GLYATL2: variants seen among roughly 807,000 people sequenced by gnomAD.
GLYATL2 encodes the protein glycine-N-acyltransferase like 2.
In GLYATL2, 25 loss-of-function variants were observed where a neutral mutation model predicts 21.4. The observed-to-expected ratio is 1.17, with a 90% CI of 0.85 to 1.63. The LOEUF (loss-of-function observed/expected upper bound fraction) is 1.63, where lower values mean the gene tolerates loss of function less well. Among genes scored for constraint, GLYATL2 ranks in the 40% most tolerant of loss-of-function variants. The pLI is 0.00. For synonymous variants in GLYATL2, 114 were observed against 118.2 expected (o/e 0.96, Z 0.23); for missense variants, 361 against 343.3 (o/e 1.05, Z -0.41).
chr11:58,875,956 T>C (rs990792126), intron 1 of GLYATL2, among the ~76,000 whole-genome samples: 1 of 152,234 alleles, frequency 6.6e-6, no homozygotes, highest in Non-Finnish European at 1.5e-5. Flanking sequence ...TCTTTTCACA[T>C]AGTCCCATAT....
chr11:58,843,190 G>A (rs1288204105), intron 1 of GLYATL2, among the ~76,000 whole-genome samples: 1 of 152,164 alleles, frequency 6.6e-6, no homozygotes, highest in Non-Finnish European at 1.5e-5. Flanking sequence ...CAGAGAGTTG[G>A]CAAGTTATTT....
At chr11:58,838,440 T>A (rs1339384688) in intron 2 of GLYATL2, 72 bp from the exon 3 acceptor site, 7 of 959,670 alleles carry the variant, frequency 7.3e-6, no homozygotes, top group Non-Finnish European at 1.1e-5. Context: ...TGTGGAGAAA[T>A]AAGACATGAC....
At chr11:58,869,532 G>T (rs755933628) in intron 1 of GLYATL2, among the ~76,000 whole-genome samples, 1 of 152,168 alleles carries the variant, frequency 6.6e-6, no homozygotes, top group African/African-American at 2.4e-5. Flanking sequence ...TTTCAGACTG[G>T]TGAGACTGTA....
chr11:58,907,191 A>C (rs1293251348), upstream of GLYATL2: 2 of 452,108 alleles, frequency 4.4e-6, no homozygotes, highest in African/African-American at 4.1e-5. Context: ...TTTAGGGGAA[A>C]CCTCTTCATA....
At chr11:58,865,395 TAGA>T (rs1225895613) in intron 1 of GLYATL2, among the ~76,000 whole-genome samples, 2 of 149,150 alleles carry the variant, frequency 1.3e-5, no homozygotes, top group East Asian at 2.2e-4. Flanking sequence ...AGTACCAGGC[TAGA>T]AGGAGAGAAA....
intron 1 of GLYATL2, among the ~76,000 whole-genome samples, chr11:58,897,620 TC>T (rs1347662483): frequency 6.6e-6 from 1 of 152,138 alleles, no homozygotes; most frequent in Non-Finnish European, 1.5e-5. Context: ...TGGCCCTAGA[TC>T]TCACCTAACT....
intron 1 of GLYATL2, among the ~76,000 whole-genome samples, chr11:58,841,382 G>GT (rs35017121): frequency 0.028 from 4,298 of 152,246 alleles, 173 homozygotes; most frequent in East Asian, 0.21. Context: ...CTCTGCCTCA[G>GT]TTGCATTATC....
intron 1 of GLYATL2, among the ~76,000 whole-genome samples, chr11:58,882,209 C>G (rs368618675): frequency 6.6e-6 from 1 of 152,134 alleles, no homozygotes; most frequent in Non-Finnish European, 1.5e-5. Flanking sequence ...AGTGTAAAAG[C>G]GTTCCTATTT....
intron 1 of GLYATL2, among the ~76,000 whole-genome samples, chr11:58,851,370 G>A (rs1853738422): frequency 6.6e-6 from 1 of 152,124 alleles, no homozygotes; most frequent in South Asian, 2.1e-4. Flanking sequence ...CTTTCATTCT[G>A]TTGATATGGT....
At chr11:58,873,042 A>G (rs1854155018) in intron 1 of GLYATL2, among the ~76,000 whole-genome samples, 1 of 151,624 alleles carries the variant, frequency 6.6e-6, no homozygotes, top group South Asian at 2.1e-4. Flanking sequence ...ATTCTCTTTG[A>G]AGCAATTGTG....
upstream of GLYATL2, among the ~76,000 whole-genome samples, chr11:58,846,252 A>C (rs952354240): frequency 1.1e-4 from 16 of 152,208 alleles, no homozygotes; most frequent in African/African-American, 3.6e-4. Flanking sequence ...TATAGTTTAT[A>C]ATGGGGAGGA....
At chr11:58,861,887 G>A (rs1329561265) in intron 1 of GLYATL2, among the ~76,000 whole-genome samples, 1 of 152,008 alleles carries the variant, frequency 6.6e-6, no homozygotes, top group East Asian at 1.9e-4. Context: ...TATCTGGAAT[G>A]ATAAATAATA....
rs192346653 is a variant in GLYATL2, at chr11:58,871,862, G to C, written n.60+32294C>G. Among the ~76,000 whole-genome samples the C allele has an allele frequency of 3.8e-3, 577 of 152,290 alleles. 1 individual carries two copies. The highest frequency in any genetic ancestry group is 6.9e-3 in the South Asian group (33 of 4,810). On this transcript the variant is annotated intron_variant and non_coding_transcript_variant, in intron 1 of 4. Coordinates refer to the GLYATL2 transcript ENST00000533636. ...TAGATGCCTGAGGAATTGCCACACTGTCTTCCACAATGGTTGAACTAGTTG... is the reference window on the plus strand; with the variant it reads ...TAGATGCCTGAGGAATTGCCACACTCTCTTCCACAATGGTTGAACTAGTTG...
chr11:58,894,236 A>T (rs918702966), intron 1 of GLYATL2, among the ~76,000 whole-genome samples: 6 of 152,206 alleles, frequency 3.9e-5, no homozygotes, highest in African/African-American at 1.4e-4. Flanking sequence ...GTGACTACTA[A>T]GGTGAGGACT....
chr11:58,899,310 C>G (rs563407986), intron 1 of GLYATL2, among the ~76,000 whole-genome samples: 1 of 152,160 alleles, frequency 6.6e-6, no homozygotes, highest in East Asian at 1.9e-4. Flanking sequence ...TCTCCCTCCA[C>G]TCCCAACCGT....
At chr11:58,835,989 A>G (rs1481968194) in intron 5 of GLYATL2, among the ~76,000 whole-genome samples, 2 of 152,120 alleles carry the variant, frequency 1.3e-5, no homozygotes, top group Non-Finnish European at 2.9e-5. Flanking sequence ...GTGTGTTTAA[A>G]TTCTATTTAT....
In GLYATL2 at chr11:58,880,708, CAG is replaced by C. The variant is rs746797711; in HGVS notation, n.60+23446_60+23447del. Among the ~76,000 whole-genome samples the C allele has an allele frequency of 4.4e-4, 67 of 152,212 alleles. 1 individual carries two copies. Among genetic ancestry groups the C allele is most frequent in the South Asian group, 1.5e-3 (7 of 4,822 alleles). On this transcript the variant is annotated intron_variant and non_coding_transcript_variant, in intron 1 of 4. Coordinates refer to the GLYATL2 transcript ENST00000533636. ...CAACTACAAAAACAGCAGAGTCAAA[CAG>C]GGGATAGACTCATGTCAGAGATCCA...
chr11:58,879,546 G>A (rs950709023), intron 1 of GLYATL2, among the ~76,000 whole-genome samples: 6 of 152,050 alleles, frequency 3.9e-5, no homozygotes, highest in South Asian at 2.1e-4. Context: ...ATTCTGACAC[G>A]TAATACAACA....
chr11:58,893,279 A>G, intron 1 of GLYATL2: 1 of 247,808 alleles, frequency 4.0e-6, no homozygotes, highest in Non-Finnish European at 8.4e-6. Flanking sequence ...AGGAGAGGCA[A>G]CATAACATAG....
Sources: gnomAD v4.1 joint callset for allele counts (sites outside exome capture counted in the v4.1 genomes callset) on GRCh38, gnomAD v4.1.1 for gene constraint, MANE v1.5 for transcripts, NCBI Gene and HGNC (gene_info 2026-07-23, HGNC 2026-07-21) for gene names.